ZNF783: variants seen among roughly 807,000 people sequenced by gnomAD.
ZNF783 encodes the protein zinc finger protein 783, also known as protein ZNF783.
Under a neutral mutation model 31.3 loss-of-function variants are expected in ZNF783, and 25 were observed. The ratio of observed to expected loss-of-function variants is 0.80; its 90% CI spans 0.58 to 1.11. The LOEUF (loss-of-function observed/expected upper bound fraction) is 1.11, where lower values mean the gene tolerates loss of function less well. ZNF783 is among the 50% of genes most tolerant of loss of function. The probability of loss-of-function intolerance (pLI) is 0.00; values close to 1 mark genes in which losing one functional copy is unlikely to be tolerated. For synonymous variants in ZNF783, 369 were observed against 319.1 expected (o/e 1.16, Z -1.66); for missense variants, 797 against 760.0 (o/e 1.05, Z -0.57).
In ZNF783 at chr7:149,273,990, AATTTGCAAAT is replaced by A. The variant is rs1175980191; in HGVS notation, c.674-4404_674-4395del. Among the ~76,000 whole-genome samples, 33 of 152,266 alleles carry A rather than the reference AATTTGCAAAT, an allele frequency of 2.2e-4. 1 individual carries two copies. The highest frequency in any genetic ancestry group is 6.5e-4 in the Admixed American group (10 of 15,284). On this transcript the variant is annotated intron_variant, in intron 4 of 5. Transcript: ENST00000434415. ...GTTATGAATCCCTTGTCAGATGGAT[AATTTGCAAAT>A]ATTTTTTCCCGTTCTGTGGGGTGTC... is the stretch of plus-strand genomic sequence containing the variant.
chr7:149,279,636 T>TG (rs1475254116), intron 5 of ZNF783, among the ~76,000 whole-genome samples: 10 of 140,356 alleles, frequency 7.1e-5, no homozygotes, highest in Admixed American at 3.6e-4. Flanking sequence ...ATCTTTGTTT[T>TG]TTTTTTTTTT....
Position 149,283,195 on chromosome 7 carries a change from T to C in ZNF783, c.*852T>C, listed in dbSNP as rs1025819883. The C allele has an allele frequency of 1.3e-5, 2 of 152,150 alleles. No individual in the cohort carries two copies. 9.4% of individuals were successfully genotyped at this position (152,150 alleles called of 1,614,324 possible). ...CATGTTGTCCAGACTGGTCTCGAAC[T>C]CCTGATGTTAGGTGACCCGCACACC... On this transcript the variant is annotated 3_prime_UTR_variant, in exon 6 of 6. Coordinates refer to ENST00000434415, the MANE Select transcript of ZNF783 (RefSeq NM_001195220.2).
intron 4 of ZNF783, among the ~76,000 whole-genome samples, chr7:149,268,232 C>T (rs1797132084): frequency 1.3e-5 from 2 of 152,178 alleles, no homozygotes. Context: ...CACAGAATAT[C>T]AGAATATCAT....
intron 4 of ZNF783, among the ~76,000 whole-genome samples, chr7:149,267,920 C>T (rs949536473): frequency 2.0e-5 from 3 of 152,206 alleles, no homozygotes; most frequent in Admixed American, 6.5e-5. Context: ...ACAACCCCAG[C>T]CTGTGGCAGG....
chr7:149,274,222 A>T (rs73479984), intron 4 of ZNF783, among the ~76,000 whole-genome samples: 5,452 of 152,002 alleles, frequency 0.036, 166 homozygotes, highest in African/African-American at 0.082. Flanking sequence ...TAAGTTTTTA[A>T]TCTATTTTGA....
chr7:149,279,278 AG>A (rs896704574), intron 5 of ZNF783, among the ~76,000 whole-genome samples: 5 of 152,172 alleles, frequency 3.3e-5, no homozygotes, highest in Non-Finnish European at 5.9e-5. Context: ...GGACCCTCTT[AG>A]GTGGGAAGGC....
rs1222011891 is a variant in ZNF783, at chr7:149,262,267, G to C, written c.-67G>C. ...GTCCCGCTCCGCTTCCGCCGTCGCT[G>C]CCGCGCCGCCCCGGGCCCGACAGGC... On this transcript the variant is annotated 5_prime_UTR_variant, in exon 1 of 6. Coordinates refer to ENST00000434415, the MANE Select transcript of ZNF783 (RefSeq NM_001195220.2). The C allele has an allele frequency of 1.5e-6, 2 of 1,306,884 alleles. No homozygotes were observed. The highest frequency in any genetic ancestry group is 2.0e-6 in the Non-Finnish European group (2 of 1,023,274). The allele number at this position is 1,306,884 out of a possible 1,614,324, so 81.0% of individuals were successfully genotyped here.
chr7:149,279,548 C>T (rs1036659547), intron 5 of ZNF783, among the ~76,000 whole-genome samples: 28 of 149,580 alleles, frequency 1.9e-4, no homozygotes, highest in Middle Eastern at 3.6e-3. Flanking sequence ...CTGCAAGCCG[C>T]GGGTGTCCAG....
Position 149,266,692 on chromosome 7 carries a change from T to C in ZNF783, c.382T>C (p.Leu128=), listed in dbSNP as rs777895617. ...NLLRNRNFWI[L]RLPPGSKGEA... is the part of the protein sequence containing the mutation. Reference sequence around the variant, plus strand: ...GCTGCGCAACAGGAACTTCTGGATCTTGCGGCTGCCCCCGGGCAGCAAGGG... The same window carrying C: ...GCTGCGCAACAGGAACTTCTGGATCCTGCGGCTGCCCCCGGGCAGCAAGGG... The change falls in exon 2 of 6, where the codon TTG becomes CTG. Residue 128 remains leucine (L), a synonymous_variant. Transcript: ENST00000434415. 10 of 1,614,064 alleles carry C rather than the reference T, an allele frequency of 6.2e-6. No individual in the cohort carries two copies. The highest frequency in any genetic ancestry group is 7.6e-6 in the Non-Finnish European group (9 of 1,179,990).
intron 1 of ZNF783, among the ~76,000 whole-genome samples, chr7:149,263,761 C>G (rs1184695822): frequency 1.3e-5 from 2 of 152,072 alleles, no homozygotes; most frequent in Non-Finnish European, 2.9e-5. Context: ...TAGATGATAC[C>G]TACTATTATT....
At chr7:149,269,696 T>A (rs1797165799) in intron 4 of ZNF783, among the ~76,000 whole-genome samples, 1 of 152,156 alleles carries the variant, frequency 6.6e-6, no homozygotes, top group African/African-American at 2.4e-5. Context: ...ATACTTTAAG[T>A]TTTAGGGTGC....
chr7:149,266,585 T>G lies in ZNF783; in HGVS notation c.275T>G (p.Leu92Arg), dbSNP rs1362650802. 6.2e-7 allele frequency: 1 copy of G among 1,614,018 alleles called. No homozygotes were observed. The highest frequency in any genetic ancestry group is 8.5e-7 in the Non-Finnish European group (1 of 1,180,036). Reference protein sequence around the residue: ...EKTAVEFGNQLEGKWAVLGTL... With the variant: ...EKTAVEFGNQREGKWAVLGTL... ...ACAGCTGTGGAGTTCGGGAACCAGC[T>G]GGAGGGCAAGTGGGCCGTGCTGGGG... is the stretch of plus-strand genomic sequence containing the variant. The change falls in exon 2 of 6, where the codon CTG becomes CGG. Residue 92 changes from leucine (L) to arginine (R), a missense_variant. Leu to Arg is a moderately radical substitution (Grantham distance 102). Transcript: ENST00000434415.
Position 149,282,553 on chromosome 7 carries a change from A to C in ZNF783, c.*210A>C. ...CCTTTTCTGCATTCCTGACTTCTAA[A>C]AGATGCCTTAAGGCTTAAGGGATGC... is the stretch of plus-strand genomic sequence containing the variant. On this transcript the variant is annotated 3_prime_UTR_variant, in exon 6 of 6. Coordinates refer to ENST00000434415, the MANE Select transcript of ZNF783 (RefSeq NM_001195220.2). The C allele has an allele frequency of 1.8e-6, 1 of 548,238 alleles. No homozygotes were observed. The highest frequency in any genetic ancestry group is 3.1e-6 in the Non-Finnish European group (1 of 317,628). The allele number at this position is 548,238 out of a possible 1,614,324, so 34.0% of individuals were successfully genotyped here.
rs1174095608 is a variant in ZNF783, at chr7:149,282,003, AGATGTACCAC to A, written c.1302_1311del (p.Lys434AsnfsTer128). The A allele has an allele frequency of 6.3e-7, 1 of 1,583,100 alleles. No individual in the cohort carries two copies. The highest frequency in any genetic ancestry group is 1.1e-5 in the South Asian group (1 of 89,038). On this transcript the variant is annotated frameshift_variant, in exon 6 of 6. Coordinates refer to ENST00000434415, the MANE Select transcript of ZNF783 (RefSeq NM_001195220.2). LOFTEE classifies it low-confidence loss of function (END_TRUNC). Reference sequence around the variant, plus strand: ...GTGGGGCGGCGGCCTGCAGCCAGCAAGATGTACCACTGCAGCGAGTGCCTGCGCTTCTTCC... The same window carrying A: ...GTGGGGCGGCGGCCTGCAGCCAGCAATGCAGCGAGTGCCTGCGCTTCTTCC...
rs1282893100 is a variant in ZNF783, at chr7:149,281,784, A to G, written c.1082A>G (p.Lys361Arg). 3 of 1,513,346 alleles carry G rather than the reference A, an allele frequency of 2.0e-6. No individual in the cohort carries two copies. The East Asian group carries it at 7.1e-5, about 36-fold the overall frequency. The allele number at this position is 1,513,346 out of a possible 1,614,324, so 93.7% of individuals were successfully genotyped here. A position where few individuals can be genotyped will look rare whatever the true frequency, so the allele number is the denominator to read the frequency against. ...GACTGCGGGCAGAGCTTCCGCCTGA[A>G]GATCAATCTGACGATTCATCAGCGG... ...CPDCGQSFRL[K>R]INLTIHQRTH... The change falls in exon 6 of 6, where the codon AAG becomes AGG. Residue 361 changes from lysine to arginine, a missense_variant. Physicochemically the swap from Lys to Arg is conservative, Grantham distance 26. Coordinates refer to ENST00000434415, the MANE Select transcript of ZNF783 (RefSeq NM_001195220.2).
intron 4 of ZNF783, among the ~76,000 whole-genome samples, chr7:149,271,603 T>G (rs1175961395): frequency 2.0e-5 from 3 of 150,824 alleles, no homozygotes; most frequent in Non-Finnish European, 4.5e-5. Flanking sequence ...TTCTTTTTGG[T>G]TTTTGATTTA....
intron 1 of ZNF783, 140 bp downstream of exon 1, chr7:149,262,497 C>A: frequency 2.7e-6 from 2 of 744,788 alleles, no homozygotes; most frequent in Non-Finnish European, 3.5e-6. Flanking sequence ...CCCGGCCCAT[C>A]GCCCAGCCCG....
chr7:149,281,639 A>G lies in ZNF783; in HGVS notation c.937A>G (p.Ser313Gly). Residue 313 changes from serine (S) to glycine (G), a missense_variant, in exon 6 of 6, where the codon AGC (serine) becomes GGC (glycine). Physicochemically the swap from Ser to Gly is moderately conservative, Grantham distance 56 (BLOSUM62 0). Coordinates refer to ENST00000434415, the MANE Select transcript of ZNF783 (RefSeq NM_001195220.2). The stretch of plus-strand genomic sequence containing the variant: ...GCCCAGGAACAGGCCTGGGGGCCCC[A>G]GCCGTCATCAGGCCCAGGGCATGCC... ...RGPRNRPGGP[S>G]RHQAQGMPRV... is the part of the protein sequence containing the mutation. 11 of 1,543,416 alleles carry G rather than the reference A, an allele frequency of 7.1e-6. No homozygotes were observed. Among genetic ancestry groups the G allele is most frequent in the Non-Finnish European group, 9.5e-6 (11 of 1,157,116 alleles).
At chr7:149,281,404 G>C in intron 5 of ZNF783, 101 bp from the exon 6 acceptor site, 1 of 1,074,174 alleles carries the variant, frequency 9.3e-7, no homozygotes, top group South Asian at 2.2e-5. Context: ...ACTGTGGGGA[G>C]ATAGGGCCCG....
Sources: gnomAD v4.1 joint callset for allele counts (sites outside exome capture counted in the v4.1 genomes callset) on GRCh38, gnomAD v4.1.1 for gene constraint, MANE v1.5 for transcripts, NCBI Gene and HGNC (gene_info 2026-07-23, HGNC 2026-07-21) for gene names.